Variants in EIF3H observed in about 807,000 individuals in gnomAD.
The protein encoded by EIF3H is eukaryotic translation initiation factor 3 subunit H.
EIF3H carries 26 observed loss-of-function variants against 44.2 expected under a neutral mutation model. That is an observed-to-expected ratio of 0.59 (90% confidence interval 0.43 to 0.82). The LOEUF (loss-of-function observed/expected upper bound fraction) is 0.82. Among genes scored for constraint, EIF3H ranks in the 40% least tolerant of loss-of-function variants. EIF3H has a pLI of 0.00. For synonymous variants in EIF3H, 166 were observed against 151.9 expected, an observed-to-expected ratio of 1.09 and a Z score of -0.68; for missense variants, 359 against 432.8, an observed-to-expected ratio of 0.83 and a Z score of 1.51.
At chr8:116,660,807 C>A (rs1183634698) in intron 2 of EIF3H, among the ~76,000 whole-genome samples, 2 of 152,160 alleles carry the variant, frequency 1.3e-5, no homozygotes, top group Non-Finnish European at 2.9e-5. Context: ...AGACACCAGA[C>A]ACTTTGTATA....
At chr8:116,755,377 T>C (rs1053527821) in intron 1 of EIF3H, among the ~76,000 whole-genome samples, 2 of 152,136 alleles carry the variant, frequency 1.3e-5, no homozygotes, top group African/African-American at 4.8e-5. Flanking sequence ...TCCAGGAGTC[T>C]TTCTTCAAAT....
At chr8:116,741,875 G>A (rs924970058) in intron 1 of EIF3H, among the ~76,000 whole-genome samples, 1 of 152,170 alleles carries the variant, frequency 6.6e-6, no homozygotes. Context: ...GTTAAGCCTA[G>A]ATAATTTTTT....
chr8:116,748,050 G>A (rs1046936330), intron 1 of EIF3H, among the ~76,000 whole-genome samples: 1 of 152,016 alleles, frequency 6.6e-6, no homozygotes, highest in African/African-American at 2.4e-5. Flanking sequence ...GGCGGAGGTT[G>A]CAGTGAGCCA....
chr8:116,652,440 A>C (rs1203270743), intron 5 of EIF3H, among the ~76,000 whole-genome samples: 1 of 152,252 alleles, frequency 6.6e-6, no homozygotes, highest in Non-Finnish European at 1.5e-5. Flanking sequence ...TGGATACTAA[A>C]GGCATGAGAT....
chr8:116,738,041 A>AG, intron 1 of EIF3H, among the ~76,000 whole-genome samples: 1 of 152,046 alleles, frequency 6.6e-6, no homozygotes, highest in East Asian at 1.9e-4. Flanking sequence ...TCTCAAAAAA[A>AG]AAAAAAAAAA....
At chr8:116,679,079 T>G (rs1295940502) in intron 2 of EIF3H, among the ~76,000 whole-genome samples, 2 of 33,878 alleles carry the variant, frequency 5.9e-5, no homozygotes, top group East Asian at 4.2e-4. Context: ...AAGTGAGGAG[T>G]CCCTCTGCCC....
At chr8:116,645,366 G>C (rs1452799241) in intron 7 of EIF3H, among the ~76,000 whole-genome samples, 1 of 152,190 alleles carries the variant, frequency 6.6e-6, no homozygotes, top group Non-Finnish European at 1.5e-5. Context: ...TCAGTCAAAA[G>C]GACTGACTAA....
At chr8:116,755,828 G>A (rs752653571), upstream of EIF3H, 3 of 1,609,122 alleles carry the variant, frequency 1.9e-6, no homozygotes, top group Non-Finnish European at 2.5e-6. Flanking sequence ...AAAGAGAAAC[G>A]TGAGTTACCG....
chr8:116,664,125 G>A (rs1045655235), intron 2 of EIF3H, among the ~76,000 whole-genome samples: 6 of 152,160 alleles, frequency 3.9e-5, no homozygotes, highest in South Asian at 2.1e-4. Context: ...GCAAAGGAAA[G>A]CCTGCTTTAC....
intron 1 of EIF3H, among the ~76,000 whole-genome samples, chr8:116,731,445 CCTTT>C (rs1372337830): frequency 6.6e-6 from 1 of 152,128 alleles, no homozygotes; most frequent in African/African-American, 2.4e-5. Flanking sequence ...GCCTAGCTTT[CCTTT>C]GTTTTTGTTT....
intron 1 of EIF3H, among the ~76,000 whole-genome samples, chr8:116,745,896 G>A (rs547691739): frequency 6.6e-5 from 10 of 151,952 alleles, no homozygotes; most frequent in East Asian, 1.9e-4. Context: ...ACCCCAGCCC[G>A]GTCGACAGAG....
intron 5 of EIF3H, among the ~76,000 whole-genome samples, chr8:116,653,331 GA>G (rs1450762674): frequency 8.3e-5 from 6 of 71,876 alleles, no homozygotes; most frequent in South Asian, 3.7e-4. Context: ...ATGCTCTTCA[GA>G]AAAAAAACAA....
At chr8:116,721,571 G>A (rs900761475) in intron 2 of EIF3H, among the ~76,000 whole-genome samples, 28 of 152,326 alleles carry the variant, frequency 1.8e-4, no homozygotes, top group Non-Finnish European at 1.3e-4. Context: ...TGGAAAAGCC[G>A]CAGACACTCA....
At chr8:116,696,807 G>C (rs772414982) in intron 2 of EIF3H, among the ~76,000 whole-genome samples, 1 of 152,004 alleles carries the variant, frequency 6.6e-6, no homozygotes, top group Non-Finnish European at 1.5e-5. Flanking sequence ...TAAATAATTT[G>C]TAAGGGCAAA....
chr8:116,661,280 T>C (rs144632430), intron 2 of EIF3H, among the ~76,000 whole-genome samples: 1 of 152,324 alleles, frequency 6.6e-6, no homozygotes, highest in African/African-American at 2.4e-5. Flanking sequence ...AGAGGAGAGA[T>C]TAAGCAACTG....
At chr8:116,700,539 T>A (rs887874033) in intron 2 of EIF3H, among the ~76,000 whole-genome samples, 1 of 152,162 alleles carries the variant, frequency 6.6e-6, no homozygotes. Flanking sequence ...TCCTAAAGTC[T>A]TCAAGTTATT....
At chr8:116,722,777 T>C (rs1005957274) in intron 2 of EIF3H, among the ~76,000 whole-genome samples, 4 of 152,200 alleles carry the variant, frequency 2.6e-5, no homozygotes, top group Admixed American at 1.3e-4. Context: ...TCTCGCGAAG[T>C]CTACCTATGT....
intron 2 of EIF3H, among the ~76,000 whole-genome samples, chr8:116,709,803 C>A (rs912567705): frequency 1.3e-5 from 2 of 151,992 alleles, no homozygotes; most frequent in Non-Finnish European, 2.9e-5. Flanking sequence ...ACTGAAGCAG[C>A]AAAAAATTAA....
upstream of EIF3H, among the ~76,000 whole-genome samples, chr8:116,759,756 G>A (rs1267979961): frequency 1.3e-5 from 2 of 151,986 alleles, no homozygotes; most frequent in East Asian, 3.9e-4. Flanking sequence ...TGCTTGCCGT[G>A]TCTTACTTTG....
Sources: gnomAD v4.1 joint callset for allele counts (sites outside exome capture counted in the v4.1 genomes callset) on GRCh38, gnomAD v4.1.1 for gene constraint, MANE v1.5 for transcripts, NCBI Gene and HGNC (gene_info 2026-07-23, HGNC 2026-07-21) for gene names.